Variants in ABCA12 observed in about 807,000 individuals in gnomAD.
ABCA12 encodes the protein glucosylceramide transporter ABCA12.
A neutral mutation model predicts 293.5 loss-of-function variants in ABCA12; 156 were observed. The observed-to-expected ratio is 0.53, with a 90% CI of 0.47 to 0.61. The LOEUF (loss-of-function observed/expected upper bound fraction) is 0.61, where lower values mean the gene tolerates loss of function less well. Ranked by LOEUF, ABCA12 falls within the 20% of genes least tolerant of loss-of-function variation. The probability of loss-of-function intolerance (pLI) is 0.00; values close to 1 mark genes in which losing one functional copy is unlikely to be tolerated. For missense variants in ABCA12, 2,797 were observed against 3,090.2 expected (o/e 0.91, Z 2.25); for synonymous variants, 1,063 against 1,108.0 (o/e 0.96, Z 0.81).
chr2:215,089,022 C>A (rs1349013875), intron 2 of ABCA12, among the ~76,000 whole-genome samples: 2 of 151,996 alleles, frequency 1.3e-5, no homozygotes, highest in East Asian at 3.8e-4. Context: ...AAATGCCAGG[C>A]ACATTGAAAG....
intron 2 of ABCA12, among the ~76,000 whole-genome samples, chr2:215,100,343 T>G (rs1214931232): frequency 6.6e-6 from 1 of 152,158 alleles, no homozygotes; most frequent in African/African-American, 2.4e-5. Context: ...TTCTGCCTCT[T>G]GAAAGCCACT....
chr2:215,107,167 T>C (rs191723761), intron 2 of ABCA12, among the ~76,000 whole-genome samples: 1 of 152,336 alleles, frequency 6.6e-6, no homozygotes, highest in Admixed American at 6.5e-5. Context: ...AGGGTTTTAC[T>C]GTACTTGAAA....
At chr2:215,049,231 A>ATCCC (rs1701268302) in intron 6 of ABCA12, among the ~76,000 whole-genome samples, 1 of 152,204 alleles carries the variant, frequency 6.6e-6, no homozygotes, top group African/African-American at 2.4e-5. Flanking sequence ...GAGAAAAATA[A>ATCCC]AAAGATTTTA....
At chr2:215,075,390 T>C (rs1049937692) in intron 2 of ABCA12, 15 of 546,662 alleles carry the variant, frequency 2.7e-5, no homozygotes, top group African/African-American at 2.5e-4. Context: ...AGCTAACTTA[T>C]GAGTTATTGC....
At chr2:214,980,358 G>A in intron 31 of ABCA12, 125 bp downstream of exon 31, 2 of 1,335,128 alleles carry the variant, frequency 1.5e-6, no homozygotes, top group Non-Finnish European at 2.1e-6. Context: ...ACTCAAATAT[G>A]AGAAGCAGTA....
At chr2:215,120,546 A>G (rs1311998334) in intron 1 of ABCA12, among the ~76,000 whole-genome samples, 1 of 152,140 alleles carries the variant, frequency 6.6e-6, no homozygotes, top group African/African-American at 2.4e-5. Context: ...GGAGCGTAAG[A>G]AAGAAGTGGG....
chr2:215,071,730 T>C (rs753714289), intron 2 of ABCA12, among the ~76,000 whole-genome samples: 18 of 152,210 alleles, frequency 1.2e-4, no homozygotes, highest in Non-Finnish European at 2.4e-4. Context: ...CAAGGCCCCA[T>C]GGAACCATGA....
rs78496832 is a variant in ABCA12 at position 215,072,052 on chromosome 2, C to A, written c.164-7833G>T. ...TCAAATCCATTGGCAAAAAGGTAGA[C>A]TGTAGGTGGTAATGAGGGCTGAGGC... On this transcript the variant is annotated intron_variant, in intron 2 of 52. Coordinates refer to ENST00000272895, the MANE Select transcript of ABCA12 (RefSeq NM_173076.3). 7.2e-3 allele frequency among the ~76,000 whole-genome samples: 1,090 copies of A among 152,260 alleles called. 12 individuals are homozygous for A. The highest frequency in any genetic ancestry group is 0.025 in the African/African-American group (1,048 of 41,540).
At chr2:215,049,523 A>T in intron 6 of ABCA12, 103 bp downstream of exon 6, 5 of 1,151,514 alleles carry the variant, frequency 4.3e-6, no homozygotes, top group Non-Finnish European at 6.5e-6. Context: ...AACATGCCTA[A>T]GGTAAACAAA....
chr2:215,110,523 A>G (rs1439419574), intron 2 of ABCA12, among the ~76,000 whole-genome samples: 2 of 152,204 alleles, frequency 1.3e-5, no homozygotes, highest in African/African-American at 2.4e-5. Flanking sequence ...TCGACAAAAC[A>G]AAACAAAAAA....
chr2:215,134,515 T>TGC lies in ABCA12; in HGVS notation c.69+3624_69+3625insGC, dbSNP rs1422241010. 1.4e-3 allele frequency among the ~76,000 whole-genome samples: 170 copies of TGC among 117,812 alleles called. 4 individuals carry two copies. The highest frequency in any genetic ancestry group is 4.6e-3 in the African/African-American group (128 of 27,616). 77.3% of individuals were successfully genotyped at this position (117,812 alleles called of 152,430 possible). On this transcript the variant is annotated intron_variant, in intron 1 of 52. Coordinates refer to ENST00000272895, the MANE Select transcript of ABCA12 (RefSeq NM_173076.3). ...ATATGCACATATATGCGTATGTATA[T>TGC]GTGTATATATACGTATATATGTACA...
intron 2 of ABCA12, chr2:215,082,479 G>T (rs1701962927): frequency 1.3e-5 from 2 of 152,038 alleles, no homozygotes; most frequent in African/African-American, 2.4e-5. Flanking sequence ...GAATCACATT[G>T]TTTATATTTT....
Position 215,045,876 on chromosome 2 carries a change from G to A in ABCA12, c.833C>T (p.Ser278Leu), listed in dbSNP as rs886055613. ...SFPNVFQNDT[S>L]LSNLFDVLRK... ...AAGAACATCAAATAGATTGCTTAGT[G>A]ATGTGTCATTCTGAAACACATTTGG... is the stretch of plus-strand genomic sequence containing the variant. The change falls in exon 7 of 53, where the codon TCA becomes TTA. Residue 278 changes from serine (S) to leucine (L), a missense_variant. Around this residue, in one of 3 missense-constraint regions of ABCA12, gnomAD observed 656 missense variants for 638.2 expected, o/e 1.03. Transcript: ENST00000272895. 6.2e-7 allele frequency: 1 copy of A among 1,613,562 alleles called. No individual in the cohort carries two copies. The highest frequency in any genetic ancestry group is 2.2e-5 in the East Asian group (1 of 44,850).
intron 8 of ABCA12, among the ~76,000 whole-genome samples, chr2:215,034,519 C>G (rs750123769): frequency 6.6e-6 from 1 of 152,168 alleles, no homozygotes; most frequent in Non-Finnish European, 1.5e-5. Flanking sequence ...AGTGTGGGCT[C>G]TTCTGAGGTT....
chr2:215,065,833 C>G (rs75259924), intron 2 of ABCA12, among the ~76,000 whole-genome samples: 5,857 of 151,846 alleles, frequency 0.039, 253 homozygotes, highest in African/African-American at 0.11. Context: ...ATCACAGTAA[C>G]TATAGAAAAA....
rs142464249 is a variant in ABCA12, at chr2:215,041,987, T to C, written c.872+3850A>G. Among the ~76,000 whole-genome samples, 630 of 152,210 alleles carry C rather than the reference T, an allele frequency of 4.1e-3. 4 individuals carry two copies. The highest frequency in any genetic ancestry group is 0.014 in the African/African-American group (589 of 41,540). On this transcript the variant is annotated intron_variant, in intron 7 of 52. Coordinates refer to ENST00000272895, the MANE Select transcript of ABCA12 (RefSeq NM_173076.3). ...ATCTAAAATAGTTAAATTCCTAGAA[T>C]CAAAGAGTCAAGTGATGGTTTCTAG...
Position 215,012,072 on chromosome 2 carries a change from T to C in ABCA12, c.2020A>G (p.Lys674Glu). Residue 674 changes from lysine (K) to glutamate (E), a missense_variant, in exon 16 of 53, where the codon AAA becomes GAA. By Grantham distance (56) the Lys-to-Glu change is moderately conservative. Around this residue, in one of 3 missense-constraint regions of ABCA12, gnomAD observed 2,130 missense variants for 2,427.0 expected, o/e 0.88. Transcript: ENST00000272895. ...GAAGCCATCTGATTGAGAATCTCTT[T>C]TAGTCTTATGAAGAGCTCCATCATC... ...EKMMELFIRLKEILNQMASGT... is the reference protein window; with the variant it reads ...EKMMELFIRLEEILNQMASGT... The C allele has an allele frequency of 6.2e-7, 1 of 1,613,992 alleles. No individual in the cohort carries two copies. Among genetic ancestry groups the C allele is most frequent in the Admixed American group, 1.7e-5 (1 of 60,010 alleles).
At chr2:214,985,122 A>G (rs1699758199) in intron 28 of ABCA12, among the ~76,000 whole-genome samples, 2 of 152,244 alleles carry the variant, frequency 1.3e-5, no homozygotes, top group African/African-American at 4.8e-5. Flanking sequence ...GAACACTGAA[A>G]TACAAATAAC....
intron 1 of ABCA12, among the ~76,000 whole-genome samples, chr2:215,123,963 C>T (rs1365879840): frequency 6.6e-6 from 1 of 152,138 alleles, no homozygotes; most frequent in Non-Finnish European, 1.5e-5. Context: ...TTGCATCATT[C>T]TTATGCCTTT....
Sources: allele counts gnomAD v4.1 joint callset (sites outside exome capture counted in the v4.1 genomes callset), GRCh38; gene constraint gnomAD v4.1.1; regional missense constraint gnomAD v4.1.1; transcripts MANE v1.5; gene names NCBI Gene and HGNC (gene_info 2026-07-23, HGNC 2026-07-21).